The following RILPL1 variants were observed in gnomAD, a reference collection of about 807,000 sequenced individuals.
RILPL1 encodes the protein RILP-like protein 1.
RILPL1 carries 33 observed loss-of-function variants against 50.3 expected under a neutral mutation model. The ratio of observed to expected loss-of-function variants is 0.66; its 90% CI spans 0.50 to 0.88. RILPL1 has a LOEUF of 0.88. RILPL1 is among the 40% of genes least tolerant of loss of function. The probability of loss-of-function intolerance (pLI) is 0.00; values close to 1 mark genes in which losing one functional copy is unlikely to be tolerated. For synonymous variants in RILPL1, 205 were observed against 228.6 expected (o/e 0.90, Z 0.93); for missense variants, 418 against 542.5 (o/e 0.77, Z 2.28).
chr12:123,475,810 A>G, intron 6 of RILPL1: 2 of 1,034,732 alleles, frequency 1.9e-6, no homozygotes, highest in Non-Finnish European at 2.9e-6. Context: ...TGAAAAAGAA[A>G]CAAACTCCAC....
chr12:123,495,665 C>G (rs1293305724), intron 4 of RILPL1, among the ~76,000 whole-genome samples: 1 of 141,480 alleles, frequency 7.1e-6, no homozygotes, highest in Admixed American at 7.4e-5. Context: ...TGAGCCACCG[C>G]ACCTGGCCCC....
In RILPL1 at chr12:123,472,477, C is replaced by T; in HGVS notation, c.*61G>A. The T allele has an allele frequency of 6.5e-7, 1 of 1,540,078 alleles. No individual in the cohort carries two copies. The highest frequency in any genetic ancestry group is 8.8e-7 in the Non-Finnish European group (1 of 1,139,036). ...TGAGGCAGCAATGACCCCTGGGCTG[C>T]AGTTCGGTTGCAGGCGCTGGTGGCG... is the stretch of plus-strand genomic sequence containing the variant. On this transcript the variant is annotated 3_prime_UTR_variant, in exon 7 of 7. Transcript: ENST00000376874.
At chr12:123,488,292 T>C (rs2139322636) in intron 4 of RILPL1, among the ~76,000 whole-genome samples, 1 of 149,488 alleles carries the variant, frequency 6.7e-6, no homozygotes, top group Non-Finnish European at 1.5e-5. Flanking sequence ...GAAAAGAAAA[T>C]TAACTGGGCA....
At chr12:123,493,673 G>A (rs749870837) in intron 4 of RILPL1, among the ~76,000 whole-genome samples, 1 of 151,908 alleles carries the variant, frequency 6.6e-6, no homozygotes, top group Non-Finnish European at 1.5e-5. Flanking sequence ...CATGCTGCAC[G>A]TTCTCCGGCC....
rs899397025 is a variant in RILPL1, at chr12:123,527,803, C to T, written c.310-4158G>A. 2.6e-5 allele frequency among the ~76,000 whole-genome samples: 4 copies of T among 152,032 alleles called. No individual in the cohort carries two copies. The East Asian group carries it at 7.7e-4, about 29-fold the overall frequency. On this transcript the variant is annotated intron_variant, in intron 1 of 6. Coordinates refer to ENST00000376874, the MANE Select transcript of RILPL1 (RefSeq NM_178314.5). ...ATATGAGGGAGATGGGAAGAAGCTA[C>T]GCTGCTGGCTTTGAAGATGGAGGAA...
intron 2 of RILPL1, among the ~76,000 whole-genome samples, chr12:123,503,693 C>T (rs1344842346): frequency 1.3e-5 from 2 of 151,984 alleles, no homozygotes; most frequent in Admixed American, 1.3e-4. Context: ...CCAAGTAAGC[C>T]AGGATAACAT....
chr12:123,528,820 T>C (rs1885354236), intron 1 of RILPL1, among the ~76,000 whole-genome samples: 1 of 152,128 alleles, frequency 6.6e-6, no homozygotes, highest in Non-Finnish European at 1.5e-5. Flanking sequence ...CTGAAGTTGA[T>C]GCTGGGGTTG....
At chr12:123,499,592 A>G in intron 2 of RILPL1, 56 bp from the exon 3 acceptor site, 1 of 1,313,380 alleles carries the variant, frequency 7.6e-7, no homozygotes, top group South Asian at 1.2e-5. Context: ...TGTTGAAATC[A>G]TCCACCACTT....
intron 2 of RILPL1, among the ~76,000 whole-genome samples, chr12:123,513,016 CTG>C (rs1407357154): frequency 3.3e-5 from 4 of 122,514 alleles, no homozygotes; most frequent in African/African-American, 1.3e-4. Context: ...GGTGTGAGAT[CTG>C]TGTGTATGAG....
intron 1 of RILPL1, among the ~76,000 whole-genome samples, chr12:123,525,195 C>G (rs1431992877): frequency 6.6e-6 from 1 of 151,658 alleles, no homozygotes; most frequent in Non-Finnish European, 1.5e-5. Flanking sequence ...CTGCAAAACT[C>G]TAAAAACCAC....
At chr12:123,531,987 C>T (rs1233247783) in intron 1 of RILPL1, among the ~76,000 whole-genome samples, 2 of 152,178 alleles carry the variant, frequency 1.3e-5, no homozygotes, top group African/African-American at 2.4e-5. Flanking sequence ...CCCATGAGGA[C>T]GAGCACAGTC....
Position 123,498,202 on chromosome 12 carries a change from G to GTT in RILPL1, c.801+340_801+341dup, listed in dbSNP as rs1453715693. Among the ~76,000 whole-genome samples the GTT allele has an allele frequency of 6.6e-6, 1 of 151,372 alleles. No individual in the cohort carries two copies. The highest frequency in any genetic ancestry group is 1.5e-5 in the Non-Finnish European group (1 of 67,854). ...GTAGCTTGTTCTCTCTGAGCCTCTC[G>GTT]TTTTTTCTCTCTCTCTCTCTCTCTT... On this transcript the variant is annotated intron_variant, in intron 4 of 6. Coordinates refer to ENST00000376874, the MANE Select transcript of RILPL1 (RefSeq NM_178314.5). This position sits in a 1 kb window ranked among gnomAD's most constrained non-coding sequence, Gnocchi z 4.3.
intron 2 of RILPL1, among the ~76,000 whole-genome samples, chr12:123,504,397 GA>G (rs1883607103): frequency 6.6e-6 from 1 of 152,124 alleles, no homozygotes. Flanking sequence ...TCACCACCAT[GA>G]ACAAGCATCC....
At chr12:123,508,555 G>A (rs1330922198) in intron 2 of RILPL1, among the ~76,000 whole-genome samples, 1 of 152,222 alleles carries the variant, frequency 6.6e-6, no homozygotes, top group Non-Finnish European at 1.5e-5. Context: ...AAAGGTCAGA[G>A]TCAGGGTGAC....
intron 6 of RILPL1, among the ~76,000 whole-genome samples, chr12:123,480,846 C>G (rs994384778): frequency 6.6e-6 from 1 of 152,136 alleles, no homozygotes; most frequent in Non-Finnish European, 1.5e-5. Context: ...TGCTTGGGGA[C>G]CCATCCCTTC....
intron 2 of RILPL1, among the ~76,000 whole-genome samples, chr12:123,505,796 A>G (rs1034994479): frequency 3.3e-5 from 5 of 151,854 alleles, no homozygotes; most frequent in Admixed American, 2.0e-4. Flanking sequence ...TCGTTTTTGA[A>G]TCTTTTTTTA....
At position 123,485,644 on chromosome 12, in the gene RILPL1, A is replaced by C. The variant is rs371631012; in HGVS notation, c.963T>G (p.Ala321=). 798 of 1,613,678 alleles carry C rather than the reference A, an allele frequency of 4.9e-4. 2 individuals carry two copies. Among genetic ancestry groups the C allele is most frequent in the Non-Finnish European group, 5.9e-4 (691 of 1,179,720 alleles). ...CCAGGGACACTTGCCTCTTATAGTA[A>C]GCCAGCTCCTCCTGCAGCAAGAACA... The part of the protein sequence containing the change: ...SKVFLLQEEL[A]YYKSEEMEEE... The change falls in exon 5 of 7, where the codon GCT becomes GCG. Residue 321 remains alanine (A), a synonymous_variant. Transcript: ENST00000376874. The surrounding 1 kb of genome is among the most constrained non-coding windows in gnomAD (Gnocchi z 4.0).
chr12:123,523,146 GTGTTTACA>G (rs1004301174), intron 2 of RILPL1, among the ~76,000 whole-genome samples: 2 of 152,142 alleles, frequency 1.3e-5, no homozygotes, highest in Non-Finnish European at 2.9e-5. Flanking sequence ...TGGTGTCTGT[GTGTTTACA>G]TGTTAAGCCC....
intron 4 of RILPL1, among the ~76,000 whole-genome samples, chr12:123,487,642 T>C (rs1882431300): frequency 6.6e-6 from 1 of 152,230 alleles, no homozygotes; most frequent in Non-Finnish European, 1.5e-5. Flanking sequence ...CATATTCCAC[T>C]GTACAGATGT....
Sources: allele counts gnomAD v4.1 joint callset (sites outside exome capture counted in the v4.1 genomes callset), GRCh38; gene constraint gnomAD v4.1.1; non-coding constraint Gnocchi (gnomAD v3.1); transcripts MANE v1.5; gene names NCBI Gene and HGNC (gene_info 2026-07-23, HGNC 2026-07-21).